The following LSM14A variants were observed in gnomAD, a reference collection of about 807,000 sequenced individuals.
The protein encoded by LSM14A is protein LSM14 homolog A.
A neutral mutation model predicts 52.4 loss-of-function variants in LSM14A; 14 were observed. The observed-to-expected ratio is 0.27, with a 90% CI of 0.18 to 0.42. The LOEUF (loss-of-function observed/expected upper bound fraction) is 0.42, where lower values mean the gene tolerates loss of function less well. LSM14A is among the 10% of genes least tolerant of loss of function. The probability of loss-of-function intolerance (pLI) is 1.00; values close to 1 mark genes in which losing one functional copy is unlikely to be tolerated. For missense variants in LSM14A, 417 were observed against 581.8 expected (o/e 0.72, Z 2.91); for synonymous variants, 185 against 200.3 (o/e 0.92, Z 0.64).
intron 3 of LSM14A, among the ~76,000 whole-genome samples, chr19:34,202,557 C>T (rs961563190): frequency 1.3e-5 from 2 of 151,812 alleles, no homozygotes; most frequent in Non-Finnish European, 1.5e-5. Context: ...ACTGAGACAC[C>T]ATTTCTCACT....
At chr19:34,185,444 G>C (rs751118778) in intron 1 of LSM14A, among the ~76,000 whole-genome samples, 6 of 152,180 alleles carry the variant, frequency 3.9e-5, no homozygotes, top group Non-Finnish European at 8.8e-5. Flanking sequence ...GTGTGGGTAA[G>C]GGTGAAGAAG....
At chr19:34,211,729 C>T (rs573310634) in intron 4 of LSM14A, among the ~76,000 whole-genome samples, 36 of 152,008 alleles carry the variant, frequency 2.4e-4, no homozygotes, top group Middle Eastern at 3.4e-3. Flanking sequence ...GCCGAGGCTG[C>T]AGTGAGCCCT....
chr19:34,186,295 T>C (rs1052217053), intron 1 of LSM14A, among the ~76,000 whole-genome samples: 1 of 152,270 alleles, frequency 6.6e-6, no homozygotes, highest in Non-Finnish European at 1.5e-5. Context: ...CCAACTTGAC[T>C]GGGCCACAGT....
At chr19:34,189,700 A>T (rs2070205810) in intron 1 of LSM14A, among the ~76,000 whole-genome samples, 1 of 152,324 alleles carries the variant, frequency 6.6e-6, no homozygotes, top group African/African-American at 2.4e-5. Flanking sequence ...AATCTGAGGT[A>T]TGCCTTCCTG....
intron 1 of LSM14A, among the ~76,000 whole-genome samples, chr19:34,183,543 C>T (rs1169700534): frequency 6.6e-6 from 1 of 150,794 alleles, no homozygotes; most frequent in Non-Finnish European, 1.5e-5. Flanking sequence ...AGAGCGAGTT[C>T]GTCTCAAAAA....
chr19:34,214,999 A>G, intron 4 of LSM14A, 125 bp from the exon 5 acceptor site: 1 of 619,198 alleles, frequency 1.6e-6, no homozygotes, highest in East Asian at 2.8e-5. Flanking sequence ...TGATAAGTGG[A>G]TTAATTCAAA....
chr19:34,181,850 T>G (rs1173574962), intron 1 of LSM14A, among the ~76,000 whole-genome samples: 2 of 152,282 alleles, frequency 1.3e-5, no homozygotes, highest in East Asian at 3.9e-4. Flanking sequence ...CATTGCCTCT[T>G]TAACATCTCT....
At chr19:34,180,250 G>A (rs978136290) in intron 1 of LSM14A, among the ~76,000 whole-genome samples, 1 of 152,178 alleles carries the variant, frequency 6.6e-6, no homozygotes, top group Non-Finnish European at 1.5e-5. Context: ...CAAAGTGTGA[G>A]TTGGTCTGTA....
At chr19:34,177,816 A>G (rs2069185588) in intron 1 of LSM14A, among the ~76,000 whole-genome samples, 1 of 152,156 alleles carries the variant, frequency 6.6e-6, no homozygotes, top group African/African-American at 2.4e-5. Context: ...GGATTGCTTG[A>G]GCCCAAGAGG....
intron 4 of LSM14A, among the ~76,000 whole-genome samples, chr19:34,213,298 A>G (rs536228195): frequency 9.9e-5 from 15 of 152,230 alleles, no homozygotes; most frequent in Admixed American, 2.0e-4. Flanking sequence ...TAATTTTGAA[A>G]TGTTAAGTAG....
chr19:34,186,194 A>G (rs918138085), intron 1 of LSM14A, among the ~76,000 whole-genome samples: 13 of 152,236 alleles, frequency 8.5e-5, no homozygotes, highest in African/African-American at 2.9e-4. Flanking sequence ...GAAGGGTAGT[A>G]TAGACAGAAT....
Position 34,196,687 on chromosome 19 carries a change from T to G in LSM14A, c.339T>G (p.Pro113=). The G allele has an allele frequency of 6.2e-7, 1 of 1,613,826 alleles. No individual in the cohort carries two copies. Among genetic ancestry groups the G allele is most frequent in the Non-Finnish European group, 8.5e-7 (1 of 1,179,846 alleles). ...TCCAGTCCATGGGTTCTTATGGACC[T>G]TTCGGCAGGATGCCCACATACAGTC... The part of the protein sequence containing the change: ...SSFQSMGSYG[P]FGRMPTYSQF... Residue 113 remains proline (P), a synonymous_variant, in exon 3 of 10, where the codon CCT becomes CCG. Transcript: ENST00000544216.
In LSM14A at chr19:34,191,050, C is replaced by G. The variant is rs190562399; in HGVS notation, c.122-3428C>G. Among the ~76,000 whole-genome samples, 34 of 152,166 alleles carry G rather than the reference C, an allele frequency of 2.2e-4. No homozygotes were observed. In the East Asian group the frequency reaches 5.2e-3, roughly 23 times the overall value. On this transcript the variant is annotated intron_variant, in intron 1 of 9. Transcript: ENST00000544216. ...GTTGGATCTTCATAACTATCATCTTCTCTCTAACCTTTTTAATGCTGTAGT... is the reference window on the plus strand; with the variant it reads ...GTTGGATCTTCATAACTATCATCTTGTCTCTAACCTTTTTAATGCTGTAGT...
rs1486083778 is a variant in LSM14A, at chr19:34,190,982, AT to A, written c.122-3491del. On this transcript the variant is annotated intron_variant, in intron 1 of 9. Transcript: ENST00000544216. ...TCTATTCTGTTATATCTTTAATTAT[AT>A]TTTTCTTATTCTTTTGTCTATCTCA... Among the ~76,000 whole-genome samples the A allele has an allele frequency of 2.0e-5, 3 of 151,740 alleles. No homozygotes were observed. The East Asian group carries it at 5.8e-4, about 29-fold the overall frequency.
In LSM14A at chr19:34,215,605, A is replaced by G; in HGVS notation, c.725A>G (p.His242Arg). 6.2e-7 allele frequency: 1 copy of G among 1,613,334 alleles called. No homozygotes were observed. The highest frequency in any genetic ancestry group is 8.5e-7 in the Non-Finnish European group (1 of 1,179,296). Reference sequence around the variant, plus strand: ...ATGTCTTCTTCTGTAGCTGAAGTACACAAAGTTTCAAGGCCAGAAAATGAG... The same window carrying G: ...ATGTCTTCTTCTGTAGCTGAAGTACGCAAAGTTTCAAGGCCAGAAAATGAG... ...ENQEHRRAEV[H>R]KVSRPENEQL... Residue 242 changes from histidine to arginine, a missense_variant, in exon 6 of 10, where the codon CAC (histidine) becomes CGC (arginine). Physicochemically the swap from His to Arg is conservative, Grantham distance 29. This residue lies in a region of LSM14A where 357 missense variants were observed against 457.0 expected (regional missense o/e 0.78). Coordinates refer to ENST00000544216, the MANE Select transcript of LSM14A (RefSeq NM_015578.4).
At chr19:34,218,515 A>G (rs1363199475) in intron 6 of LSM14A, among the ~76,000 whole-genome samples, 1 of 152,182 alleles carries the variant, frequency 6.6e-6, no homozygotes. Context: ...GTTACCCTGT[A>G]GTCACTTCTC....
intron 3 of LSM14A, among the ~76,000 whole-genome samples, chr19:34,203,972 A>T (rs1452659399): frequency 6.6e-6 from 1 of 152,122 alleles, no homozygotes; most frequent in Non-Finnish European, 1.5e-5. Flanking sequence ...AAAGTGAAAG[A>T]ATAGAAAAAG....
intron 1 of LSM14A, among the ~76,000 whole-genome samples, chr19:34,192,319 G>GTTGTTGTTGTTTTTTTTTTTTT (rs60512063): frequency 5.6e-5 from 3 of 53,410 alleles, no homozygotes; most frequent in South Asian, 6.5e-4. Context: ...TCTTTTTGTT[G>GTTGTTGTTGTTTTTTTTTTTTT]TTTTTTTTTT....
intron 1 of LSM14A, 113 bp downstream of exon 1, chr19:34,172,876 A>G (rs879808052): frequency 2.2e-5 from 28 of 1,272,124 alleles, no homozygotes; most frequent in Non-Finnish European, 2.8e-5. Flanking sequence ...GAGCTCCGGG[A>G]GGCCTCTCGC....
Sources: allele counts gnomAD v4.1 joint callset (sites outside exome capture counted in the v4.1 genomes callset), GRCh38; gene constraint gnomAD v4.1.1; regional missense constraint gnomAD v4.1.1; transcripts MANE v1.5; gene names NCBI Gene and HGNC (gene_info 2026-07-23, HGNC 2026-07-21).